The following DENND1C variants were observed in gnomAD, a reference collection of about 807,000 sequenced individuals.
DENND1C encodes the protein DENN domain-containing protein 1C.
DENND1C carries 64 observed loss-of-function variants against 87.9 expected under a neutral mutation model. The observed-to-expected ratio is 0.73, with a 90% CI of 0.60 to 0.90. The LOEUF (loss-of-function observed/expected upper bound fraction) is 0.90. Ranked by LOEUF, DENND1C falls within the 40% of genes least tolerant of loss-of-function variation. DENND1C has a pLI of 0.00. For synonymous variants in DENND1C, 384 were observed against 424.4 expected, an observed-to-expected ratio of 0.90 and a Z score of 1.17; for missense variants, 980 against 1,037.0, an observed-to-expected ratio of 0.95 and a Z score of 0.76.
intron 13 of DENND1C, 32 bp downstream of exon 13, chr19:6,475,452 C>A (rs1341792091): frequency 6.2e-7 from 1 of 1,613,432 alleles, no homozygotes; most frequent in Non-Finnish European, 8.5e-7. Context: ...CCTCGCCTCC[C>A]GGGGCAGGAA....
chr19:6,479,264 G>A (rs1186657738), intron 4 of DENND1C, among the ~76,000 whole-genome samples: 144 of 143,824 alleles, frequency 1.0e-3, no homozygotes, highest in African/African-American at 4.0e-3. Flanking sequence ...TGGGTCCCTG[G>A]ATCTCTGGGT....
chr19:6,471,022 T>C (rs1323550469), intron 17 of DENND1C, among the ~76,000 whole-genome samples: 4 of 151,754 alleles, frequency 2.6e-5, no homozygotes, highest in Non-Finnish European at 2.9e-5. Flanking sequence ...TGGCATGATC[T>C]CGGCTCACTA....
chr19:6,475,179 G>A (rs1019040169), intron 14 of DENND1C, 95 bp downstream of exon 14: 11 of 1,577,102 alleles, frequency 7.0e-6, no homozygotes, highest in Non-Finnish European at 9.5e-6. Flanking sequence ...TTACAGGCGT[G>A]AGCCACTGCG....
intron 17 of DENND1C, among the ~76,000 whole-genome samples, chr19:6,470,930 T>C (rs2092825541): frequency 1.3e-5 from 2 of 151,912 alleles, no homozygotes; most frequent in Admixed American, 1.3e-4. Flanking sequence ...AGTGCTGGGA[T>C]TACAGGCATG....
rs754497384 is a variant in DENND1C, at chr19:6,471,257, G to T, written c.1290+8C>A. ...AACGCCCACGGCCTATTGTTCTGGTGGTCTTACCTTTAGATTGTCGGCCCA... is the reference window on the plus strand; with the variant it reads ...AACGCCCACGGCCTATTGTTCTGGTTGTCTTACCTTTAGATTGTCGGCCCA... On this transcript the variant is annotated splice_region_variant and intron_variant, in intron 17 of 22. Coordinates refer to ENST00000381480, the MANE Select transcript of DENND1C (RefSeq NM_024898.4). 1.3e-6 allele frequency: 2 copies of T among 1,583,236 alleles called. No homozygotes were observed. Among genetic ancestry groups the T allele is most frequent in the South Asian group, 2.3e-5 (2 of 86,812 alleles).
chr19:6,478,409 ATTT>A (rs36008668), intron 6 of DENND1C, among the ~76,000 whole-genome samples: 18 of 136,122 alleles, frequency 1.3e-4, no homozygotes, highest in African/African-American at 3.0e-4. Context: ...CGGCCGGCTA[ATTT>A]TTTTTTTTTT....
chr19:6,467,354 A>T lies in DENND1C; in HGVS notation c.*150T>A. The T allele has an allele frequency of 9.3e-7, 1 of 1,074,680 alleles. No homozygotes were observed. Among genetic ancestry groups the T allele is most frequent in the Non-Finnish European group, 1.3e-6 (1 of 795,372 alleles). The allele number at this position is 1,074,680 out of a possible 1,614,324, so 66.6% of individuals were successfully genotyped here. ...TGGAATTCCCTGCTAGGAGCCAGTT[A>T]GAGAGGCTGCCCTTGGAGGGACAGA... On this transcript the variant is annotated 3_prime_UTR_variant, in exon 23 of 23. Coordinates refer to ENST00000381480, the MANE Select transcript of DENND1C (RefSeq NM_024898.4).
At chr19:6,478,879 G>A (rs1183658875) in intron 5 of DENND1C, 27 bp from the exon 6 acceptor site, 11 of 1,613,738 alleles carry the variant, frequency 6.8e-6, no homozygotes, top group African/African-American at 2.7e-5. Context: ...CAGGTTCCAC[G>A]AAGTGTCCCT....
intron 14 of DENND1C, among the ~76,000 whole-genome samples, chr19:6,473,693 C>G (rs193010383): frequency 6.6e-6 from 1 of 151,766 alleles, no homozygotes; most frequent in Non-Finnish European, 1.5e-5. Flanking sequence ...CTGGTCCAAA[C>G]TCCTGGGCTC....
rs146903207 is a variant in DENND1C, at chr19:6,477,404, G to T, written c.421C>A (p.Pro141Thr). 1 of 1,613,538 alleles carries T rather than the reference G, an allele frequency of 6.2e-7. No individual in the cohort carries two copies. Among genetic ancestry groups the T allele is most frequent in the Non-Finnish European group, 8.5e-7 (1 of 1,179,800 alleles). Reference sequence around the variant, plus strand: ...AGCTCAAGCCCCACTGAGGCCTGGGGCCCAGACAGGGACTGCTGAAACAGA... The same window carrying T: ...AGCTCAAGCCCCACTGAGGCCTGGGTCCCAGACAGGGACTGCTGAAACAGA... Reference protein sequence around the residue: ...QNLFQQSLSGPQASVGLELGS... With the variant: ...QNLFQQSLSGTQASVGLELGS... Residue 141 changes from proline (P) to threonine (T), a missense_variant, in exon 7 of 23, where the codon CCC (proline) becomes ACC (threonine). Pro to Thr is a conservative substitution (Grantham distance 38, BLOSUM62 -1). Transcript: ENST00000381480.
rs1234254565 is a variant in DENND1C, at chr19:6,468,570, T to C, written c.1583+8A>G. 1 of 1,545,036 alleles carries C rather than the reference T, an allele frequency of 6.5e-7. No homozygotes were observed. The highest frequency in any genetic ancestry group is 2.4e-5 in the East Asian group (1 of 42,148). ...ACTTTCAACACTGCTGTTCCCTTTT[T>C]GCCTTACCCCGCCCCTGGGGGCTCG... On this transcript the variant is annotated splice_region_variant and intron_variant, in intron 21 of 22. Coordinates refer to ENST00000381480, the MANE Select transcript of DENND1C (RefSeq NM_024898.4).
At position 6,468,125 on chromosome 19, in the gene DENND1C, G is replaced by A. The variant is rs369391663; in HGVS notation, c.1792-7C>T. On this transcript the variant is annotated splice_region_variant and splice_polypyrimidine_tract_variant and intron_variant, in intron 22 of 22. Transcript: ENST00000381480. ...GCCATCTTGGTATGTTGGGCTAGGTGAGATGGATAGGGAAGTTGTGGCTTT... is the reference window on the plus strand; with the variant it reads ...GCCATCTTGGTATGTTGGGCTAGGTAAGATGGATAGGGAAGTTGTGGCTTT... 62 of 1,612,470 alleles carry A rather than the reference G, an allele frequency of 3.8e-5. No homozygotes were observed. Among genetic ancestry groups the A allele is most frequent in the Non-Finnish European group, 5.3e-5 (62 of 1,179,082 alleles).
intron 1 of DENND1C, 110 bp downstream of exon 1, chr19:6,481,569 G>T: frequency 6.6e-7 from 1 of 1,517,336 alleles, no homozygotes; most frequent in Non-Finnish European, 9.0e-7. Flanking sequence ...ACCTGCCCTG[G>T]CAGGTCACTG....
rs952223162 is a variant in DENND1C at position 6,468,590 on chromosome 19, G to T, written c.1571C>A (p.Pro524His). The change falls in exon 21 of 23, where the codon CCC (proline) becomes CAC (histidine). Residue 524 changes from proline (P) to histidine (H), a missense_variant. Physicochemically the swap from Pro to His is moderately conservative, Grantham distance 77. Coordinates refer to ENST00000381480, the MANE Select transcript of DENND1C (RefSeq NM_024898.4). ...RRQLEEGTSE[P>H]PGAGTPPLSP... ...CTTTTTGCCTTACCCCGCCCCTGGG[G>T]GCTCGGAAGTTCCCTCTTCCAGCTG... 2.0e-6 allele frequency: 3 copies of T among 1,530,816 alleles called. No individual in the cohort carries two copies. Among genetic ancestry groups the T allele is most frequent in the African/African-American group, 2.8e-5 (2 of 72,394 alleles). The allele number at this position is 1,530,816 out of a possible 1,614,324, so 94.8% of individuals were successfully genotyped here. A position where few individuals can be genotyped will look rare whatever the true frequency, so the allele number is the denominator to read the frequency against.
At position 6,468,956 on chromosome 19, in the gene DENND1C, A is replaced by C; in HGVS notation, c.1408-3T>G. The C allele has an allele frequency of 7.1e-7, 1 of 1,401,220 alleles. No individual in the cohort carries two copies. Among genetic ancestry groups the C allele is most frequent in the East Asian group, 2.7e-5 (1 of 37,732 alleles). 86.8% of individuals were successfully genotyped at this position (1,401,220 alleles called of 1,614,324 possible). Reference sequence around the variant, plus strand: ...CTCTGCAGGACAGAGTCCCCATCCTAGGAAGAGAAGAGTGAACTGGGAACC... The same window carrying C: ...CTCTGCAGGACAGAGTCCCCATCCTCGGAAGAGAAGAGTGAACTGGGAACC... On this transcript the variant is annotated splice_region_variant and splice_polypyrimidine_tract_variant and intron_variant, in intron 19 of 22. Transcript: ENST00000381480.
chr19:6,479,302 TAAGTCC>T (rs1568401821), intron 4 of DENND1C, among the ~76,000 whole-genome samples: 25 of 148,950 alleles, frequency 1.7e-4, no homozygotes, highest in African/African-American at 6.2e-4. Flanking sequence ...CTTGAATCCC[TAAGTCC>T]CTGGGTTCCT....
chr19:6,479,607 G>C, intron 4 of DENND1C, 62 bp downstream of exon 4: 12 of 1,610,298 alleles, frequency 7.5e-6, no homozygotes, highest in Non-Finnish European at 1.0e-5. Context: ...TAGGTGTTGA[G>C]TCCTTGGGGC....
rs375160320 is a variant in DENND1C at position 6,478,976 on chromosome 19, C to T, written c.257G>A (p.Arg86His). 9.9e-6 allele frequency: 16 copies of T among 1,613,912 alleles called. No homozygotes were observed. The highest frequency in any genetic ancestry group is 4.0e-5 in the African/African-American group (3 of 75,028). The change falls in exon 5 of 23, where the codon CGC becomes CAC. Residue 86 changes from arginine (R) to histidine (H), a missense_variant. Arg to His is a conservative substitution (Grantham distance 29, BLOSUM62 0). Coordinates refer to ENST00000381480, the MANE Select transcript of DENND1C (RefSeq NM_024898.4). ...ACAGCTCTGGGTACCCGCCCGCAGG[C>T]GGCAGAAACCAAATCTGCGGTTGCC... is the stretch of plus-strand genomic sequence containing the variant. ...LAGNRRFGFC[R>H]LRAGTQSCLC... is the part of the protein sequence containing the mutation.
chr19:6,475,262 C>T lies in DENND1C; in HGVS notation c.1053+12G>A. On this transcript the variant is annotated intron_variant, in intron 14 of 22. Transcript: ENST00000381480. ...CCCACGAGACCTCTCCCGCAGCGTC[C>T]CCGCTGCTCACCGGGCTGCAGACGA... 6.2e-7 allele frequency: 1 copy of T among 1,612,794 alleles called. No homozygotes were observed. The highest frequency in any genetic ancestry group is 8.5e-7 in the Non-Finnish European group (1 of 1,179,860).
Sources: allele counts gnomAD v4.1 joint callset (sites outside exome capture counted in the v4.1 genomes callset), GRCh38; gene constraint gnomAD v4.1.1; transcripts MANE v1.5; gene names NCBI Gene and HGNC (gene_info 2026-07-23, HGNC 2026-07-21).